Variants in CCDC170 observed in about 807,000 individuals in gnomAD.
CCDC170 encodes the protein coiled-coil domain-containing protein 170.
A neutral mutation model predicts 72.6 loss-of-function variants in CCDC170; 69 were observed. The observed-to-expected ratio is 0.95, with a 90% confidence interval of 0.78 to 1.16. CCDC170 has a LOEUF of 1.16. CCDC170 is among the 50% of genes most tolerant of loss of function. The probability of loss-of-function intolerance (pLI) is 0.00; values close to 1 mark genes in which losing one functional copy is unlikely to be tolerated. For synonymous variants in CCDC170, 300 were observed against 303.9 expected (o/e 0.99, Z 0.13); for missense variants, 852 against 832.5 (o/e 1.02, Z -0.29).
intron 6 of CCDC170, among the ~76,000 whole-genome samples, chr6:151,584,183 T>G (rs1019594887): frequency 6.6e-6 from 1 of 152,186 alleles, no homozygotes; most frequent in Non-Finnish European, 1.5e-5. Flanking sequence ...ATAAAGTAAG[T>G]GCAATAAAGT....
chr6:151,518,503 A>G (rs972983127), intron 1 of CCDC170, among the ~76,000 whole-genome samples: 2 of 152,214 alleles, frequency 1.3e-5, no homozygotes, highest in African/African-American at 2.4e-5. Flanking sequence ...GAGTTCACAG[A>G]GTAAAGTGAA....
intron 6 of CCDC170, among the ~76,000 whole-genome samples, chr6:151,580,006 T>C (rs1776358708): frequency 6.6e-6 from 1 of 152,200 alleles, no homozygotes. Context: ...CGTCCTGCAC[T>C]CTGGTCTACG....
intron 1 of CCDC170, among the ~76,000 whole-genome samples, chr6:151,509,390 T>C (rs1218572257): frequency 1.3e-5 from 2 of 152,218 alleles, no homozygotes; most frequent in African/African-American, 4.8e-5. Flanking sequence ...TCTTGACAGC[T>C]ATACCCAATA....
intron 3 of CCDC170, among the ~76,000 whole-genome samples, chr6:151,540,340 TTCC>T (rs201168694): frequency 0.016 from 2,228 of 137,338 alleles, 21 homozygotes; most frequent in Non-Finnish European, 0.023. Context: ...TTCCTTCCTC[TTCC>T]TCCTCCTCCT....
At chr6:151,616,011 A>T (rs1180386501) in intron 10 of CCDC170, 2 of 218,374 alleles carry the variant, frequency 9.2e-6, no homozygotes, top group African/African-American at 4.7e-5. Flanking sequence ...AATTATTCAC[A>T]TTTCCATGGC....
At chr6:151,577,986 C>T (rs796127497) in intron 6 of CCDC170, among the ~76,000 whole-genome samples, 15 of 152,268 alleles carry the variant, frequency 9.9e-5, no homozygotes, top group African/African-American at 3.4e-4. Context: ...TGGAGATGTG[C>T]TTCACAGCCC....
intron 5 of CCDC170, among the ~76,000 whole-genome samples, chr6:151,549,056 C>T (rs879289363): frequency 2.5e-4 from 38 of 152,218 alleles, no homozygotes; most frequent in Non-Finnish European, 3.1e-4. Flanking sequence ...CCCACCACCA[C>T]ACCCGGCTAA....
chr6:151,609,731 CA>C (rs1776840367), intron 9 of CCDC170, among the ~76,000 whole-genome samples: 1 of 152,192 alleles, frequency 6.6e-6, no homozygotes, highest in Non-Finnish European at 1.5e-5. Context: ...ATTCCACTCT[CA>C]GGAATCTGTT....
At position 151,618,119 on chromosome 6, in the gene CCDC170, C is replaced by T. The variant is rs752235686; in HGVS notation, c.2120C>T (p.Pro707Leu). The change falls in exon 11 of 11, where the codon CCA becomes CTA. Residue 707 changes from proline to leucine, a missense_variant. Physicochemically the swap from Pro to Leu is moderately conservative, Grantham distance 98 (BLOSUM62 -3). Transcript: ENST00000239374. ...KDVTTGQERHPQGHLQLLH is the reference protein window; with the variant it reads ...KDVTTGQERHLQGHLQLLH ...GTGACTACTGGGCAAGAGAGGCACC[C>T]ACAAGGCCATTTACAGCTTCTTCAT... 6 of 1,614,092 alleles carry T rather than the reference C, an allele frequency of 3.7e-6. No individual in the cohort carries two copies. In the South Asian group the frequency reaches 4.4e-5, roughly 12 times the overall value.
chr6:151,591,973 GTGACA>G (rs1488206163), intron 7 of CCDC170, among the ~76,000 whole-genome samples: 7 of 146,546 alleles, frequency 4.8e-5, no homozygotes, highest in Non-Finnish European at 7.4e-5. Context: ...TAAGTTGCCA[GTGACA>G]ACCTTTGAGG....
At chr6:151,505,823 A>C (rs1054651972) in intron 1 of CCDC170, among the ~76,000 whole-genome samples, 1 of 152,088 alleles carries the variant, frequency 6.6e-6, no homozygotes. Context: ...TAGGCTGGTC[A>C]TGGTGGCTCA....
intron 5 of CCDC170, among the ~76,000 whole-genome samples, chr6:151,558,245 T>G (rs1455314351): frequency 3.3e-5 from 5 of 150,350 alleles, no homozygotes; most frequent in Admixed American, 2.0e-4. Context: ...TTTTTTTTTT[T>G]TTTTTTTTTT....
Position 151,621,110 on chromosome 6 carries a change from C to T in CCDC170, c.*2963C>T, listed in dbSNP as rs1562303727. The T allele has an allele frequency of 6.6e-6, 1 of 152,150 alleles. No individual in the cohort carries two copies. 9.4% of individuals were successfully genotyped at this position (152,150 alleles called of 1,614,324 possible). A position where few individuals can be genotyped will look rare whatever the true frequency, so the allele number is the denominator to read the frequency against. ...GAACAATAAATTCTGTACATGTATA[C>T]AGTCCATATACACATTAAGTGTTTG... On this transcript the variant is annotated 3_prime_UTR_variant, in exon 11 of 11. Transcript: ENST00000239374.
chr6:151,604,934 G>A (rs962653167), intron 9 of CCDC170, among the ~76,000 whole-genome samples: 2 of 151,984 alleles, frequency 1.3e-5, no homozygotes, highest in East Asian at 1.9e-4. Context: ...ATTTGAAAAC[G>A]TACAATAAAT....
intron 5 of CCDC170, among the ~76,000 whole-genome samples, chr6:151,565,370 G>A (rs565297150): frequency 6.6e-6 from 1 of 152,318 alleles, no homozygotes; most frequent in East Asian, 1.9e-4. Context: ...CTGGGCCTGT[G>A]AGGGGCTCTC....
intron 6 of CCDC170, among the ~76,000 whole-genome samples, chr6:151,574,719 T>C (rs1053652936): frequency 3.9e-5 from 6 of 152,150 alleles, no homozygotes; most frequent in Non-Finnish European, 7.4e-5. Flanking sequence ...TGTCAGTAAA[T>C]GAGTTATGAA....
chr6:151,546,552 A>G (rs147356633), intron 4 of CCDC170, among the ~76,000 whole-genome samples: 90 of 152,126 alleles, frequency 5.9e-4, no homozygotes, highest in African/African-American at 2.0e-3. Context: ...GAACTGACCA[A>G]TCCAGAGCCC....
At chr6:151,532,434 C>T (rs1782503625) in intron 1 of CCDC170, among the ~76,000 whole-genome samples, 1 of 151,972 alleles carries the variant, frequency 6.6e-6, no homozygotes, top group African/African-American at 2.4e-5. Context: ...TGGTGAAACC[C>T]TGTCTCTACT....
chr6:151,596,084 C>A (rs1452293768), intron 8 of CCDC170, among the ~76,000 whole-genome samples: 1 of 152,060 alleles, frequency 6.6e-6, no homozygotes, highest in African/African-American at 2.4e-5. Context: ...TGTTAGAGAG[C>A]ATCAGATGTG....
Sources: allele counts gnomAD v4.1 joint callset (sites outside exome capture counted in the v4.1 genomes callset), GRCh38; gene constraint gnomAD v4.1.1; transcripts MANE v1.5; gene names NCBI Gene and HGNC (gene_info 2026-07-23, HGNC 2026-07-21).